The following ZPBP variants were observed in gnomAD, a reference collection of about 807,000 sequenced individuals.
The protein encoded by ZPBP is zona pellucida-binding protein 1.
In ZPBP, 26 loss-of-function variants were observed where a neutral mutation model predicts 44.8. The observed-to-expected ratio is 0.58, with a 90% CI of 0.43 to 0.81. The LOEUF is 0.81. Ranked by LOEUF, ZPBP falls within the 30% of genes least tolerant of loss-of-function variation. The pLI is 0.00. For missense variants in ZPBP, 409 were observed against 434.0 expected (o/e 0.94, Z 0.51); for synonymous variants, 174 against 153.2 (o/e 1.14, Z -1.00).
At chr7:49,978,943 T>C (rs942677827) in intron 7 of ZPBP, among the ~76,000 whole-genome samples, 1 of 152,008 alleles carries the variant, frequency 6.6e-6, no homozygotes, top group Non-Finnish European at 1.5e-5. Context: ...CTTAATAGCT[T>C]ACAGGAATGA....
chr7:49,842,164 G>A, the ZPBP span, among the ~76,000 whole-genome samples: 20 of 152,098 alleles, frequency 1.3e-4, no homozygotes, highest in African/African-American at 4.8e-4. Context: ...CACCGCGCCT[G>A]GCCAATTCAA....
At chr7:49,876,648 T>C (rs1791425111) in intron 2 of ZPBP, among the ~76,000 whole-genome samples, 1 of 152,188 alleles carries the variant, frequency 6.6e-6, no homozygotes, top group African/African-American at 2.4e-5. Context: ...ATTGCCTTGT[T>C]GTTTTTTAGA....
chr7:50,064,636 T>A (rs1801412628), intron 3 of ZPBP, among the ~76,000 whole-genome samples: 1 of 152,208 alleles, frequency 6.6e-6, no homozygotes. Context: ...ATTTCTCCCA[T>A]TTGCTTTTGA....
chr7:49,921,604 T>C (rs1794021061), intron 1 of ZPBP: 1 of 152,172 alleles, frequency 6.6e-6, no homozygotes, highest in South Asian at 2.1e-4. Flanking sequence ...TGAATATTTG[T>C]AAAACACGTA....
intron 3 of ZPBP, among the ~76,000 whole-genome samples, chr7:50,067,248 CA>C (rs1801556094): frequency 6.6e-6 from 1 of 152,066 alleles, no homozygotes; most frequent in Non-Finnish European, 1.5e-5. Context: ...CCCCTTGCAG[CA>C]CATCACAACC....
chr7:49,932,246 AACC>A (rs1794472968), intron 1 of ZPBP, among the ~76,000 whole-genome samples: 1 of 152,192 alleles, frequency 6.6e-6, no homozygotes, highest in South Asian at 2.1e-4. Flanking sequence ...AGAATGGTAG[AACC>A]ACCAACAGAT....
chr7:49,866,394 G>C (rs902849457), intron 2 of ZPBP, among the ~76,000 whole-genome samples: 14 of 152,160 alleles, frequency 9.2e-5, no homozygotes, highest in Admixed American at 9.2e-4. Flanking sequence ...AACTAATGCT[G>C]CAGGCTCACT....
At chr7:50,033,945 G>A (rs1355210952) in intron 4 of ZPBP, among the ~76,000 whole-genome samples, 7 of 151,696 alleles carry the variant, frequency 4.6e-5, no homozygotes, top group East Asian at 1.9e-4. Context: ...CACTTGCCTC[G>A]GCCTCCCAAA....
intron 1 of ZPBP, among the ~76,000 whole-genome samples, chr7:49,903,517 T>TA (rs1792891534): frequency 6.6e-6 from 1 of 152,192 alleles, no homozygotes; most frequent in East Asian, 1.9e-4. Context: ...TGATTCCACT[T>TA]ACGTAGTATT....
At chr7:49,868,225 TA>T (rs1790995549) in intron 2 of ZPBP, among the ~76,000 whole-genome samples, 1 of 152,234 alleles carries the variant, frequency 6.6e-6, no homozygotes, top group African/African-American at 2.4e-5. Context: ...GTAACATTAA[TA>T]GATGCTGTTT....
rs76619113 is a variant in ZPBP at position 49,903,137 on chromosome 7, C to T, written n.412-1922G>A. Among the ~76,000 whole-genome samples the T allele has an allele frequency of 4.2e-3, 640 of 152,254 alleles. 3 individuals are homozygous for T. Among genetic ancestry groups the T allele is most frequent in the African/African-American group, 0.015 (622 of 41,564 alleles). The stretch of plus-strand genomic sequence containing the variant: ...AAATGCTGGTAAAGATGTGAGTAAA[C>T]TGGATTCGTGGTTGGACTGTAAATT... On this transcript the variant is annotated intron_variant and non_coding_transcript_variant, in intron 1 of 2. Coordinates refer to the ZPBP transcript ENST00000465922.
chr7:50,031,522 A>T (rs1267728730), intron 4 of ZPBP, among the ~76,000 whole-genome samples: 1 of 152,168 alleles, frequency 6.6e-6, no homozygotes, highest in African/African-American at 2.4e-5. Context: ...GACTCATTTG[A>T]ATCTCTCAAC....
At chr7:49,966,146 G>A (rs1335859772) in intron 7 of ZPBP, among the ~76,000 whole-genome samples, 3 of 152,024 alleles carry the variant, frequency 2.0e-5, no homozygotes, top group African/African-American at 7.2e-5. Context: ...AAACCTCAAA[G>A]AGAAACAGAC....
intron 6 of ZPBP, among the ~76,000 whole-genome samples, chr7:50,007,163 C>A (rs1798348606): frequency 6.6e-6 from 1 of 151,898 alleles, no homozygotes. Flanking sequence ...TTGAGCTTGG[C>A]ATTTCTAGCC....
chr7:49,844,974 C>A, the ZPBP span, among the ~76,000 whole-genome samples: 1 of 152,214 alleles, frequency 6.6e-6, no homozygotes, highest in Non-Finnish European at 1.5e-5. Context: ...GCAGCCACCG[C>A]ACCCGGCCGG....
chr7:50,075,341 C>A (rs1342963057), intron 3 of ZPBP, among the ~76,000 whole-genome samples: 4 of 151,782 alleles, frequency 2.6e-5, no homozygotes, highest in Non-Finnish European at 4.4e-5. Flanking sequence ...TTCAAATAAT[C>A]TAACATTGCA....
downstream of ZPBP, among the ~76,000 whole-genome samples, chr7:49,933,071 T>C (rs1461633596): frequency 1.3e-5 from 2 of 152,178 alleles, no homozygotes; most frequent in Non-Finnish European, 2.9e-5. Flanking sequence ...TAATAGACCA[T>C]ATTATAGTTT....
Position 50,031,085 on chromosome 7 carries a change from G to C in ZPBP, c.706+7C>G. The C allele has an allele frequency of 6.2e-7, 1 of 1,612,344 alleles. No homozygotes were observed. The highest frequency in any genetic ancestry group is 8.5e-7 in the Non-Finnish European group (1 of 1,179,180). ...ATTTGCTTTTCTAACAAATTGTATA[G>C]ACTTACCTGAAAATGCAAAGAACAA... On this transcript the variant is annotated splice_region_variant and intron_variant, in intron 5 of 7. Coordinates refer to ENST00000046087, the MANE Select transcript of ZPBP (RefSeq NM_007009.3).
chr7:50,017,132 T>C (rs1467632204), intron 6 of ZPBP, among the ~76,000 whole-genome samples: 1 of 152,092 alleles, frequency 6.6e-6, no homozygotes, highest in Non-Finnish European at 1.5e-5. Flanking sequence ...CATGAAATAA[T>C]TATACAACTC....
Sources: allele counts gnomAD v4.1 joint callset (sites outside exome capture counted in the v4.1 genomes callset), GRCh38; gene constraint gnomAD v4.1.1; transcripts MANE v1.5; gene names NCBI Gene and HGNC (gene_info 2026-07-23, HGNC 2026-07-21).